Variants in TRMT10A observed in about 807,000 individuals in gnomAD.
TRMT10A encodes tRNA methyltransferase 10A.
In TRMT10A, 37 loss-of-function variants were observed where a neutral mutation model predicts 40.4. The observed-to-expected ratio is 0.92, with a 90% CI of 0.71 to 1.21. The LOEUF is 1.21. Ranked by LOEUF, TRMT10A falls within the 50% of genes most tolerant of loss-of-function variation. TRMT10A has a pLI of 0.00. For synonymous variants in TRMT10A, 103 were observed against 134.1 expected (o/e 0.77, Z 1.60); for missense variants, 388 against 404.3 (o/e 0.96, Z 0.35).
chr4:99,559,115 C>T (rs1405928079), intron 2 of TRMT10A, 39 bp downstream of exon 2: 4 of 1,576,544 alleles, frequency 2.5e-6, no homozygotes, highest in Non-Finnish European at 3.5e-6. Flanking sequence ...TTGCATATCT[C>T]TAAATAGGAA....
At chr4:99,559,685 A>G (rs12498565) in intron 1 of TRMT10A, among the ~76,000 whole-genome samples, 12,189 of 151,652 alleles carry the variant, frequency 0.08, 336 homozygotes, top group African/African-American at 0.18. Flanking sequence ...ATTTCTGTAA[A>G]TAAATCAGAA....
chr4:99,548,927 T>C lies in TRMT10A; in HGVS notation c.*161A>G. The C allele has an allele frequency of 1.5e-6, 1 of 674,322 alleles. No individual in the cohort carries two copies. Among genetic ancestry groups the C allele is most frequent in the Non-Finnish European group, 2.2e-6 (1 of 449,326 alleles). The allele number at this position is 674,322 out of a possible 1,614,324, so 41.8% of individuals were successfully genotyped here. A position where few individuals can be genotyped will look rare whatever the true frequency, so the allele number is the denominator to read the frequency against. The stretch of plus-strand genomic sequence containing the variant: ...ATCAAAAAATATTTCCTTACAAAGT[T>C]TAAAGGGCTTTTTTTTTTATTATTA... On this transcript the variant is annotated 3_prime_UTR_variant, in exon 8 of 8. Transcript: ENST00000394876.
chr4:99,553,539 T>TA (rs1724042193), intron 6 of TRMT10A, among the ~76,000 whole-genome samples: 1 of 152,196 alleles, frequency 6.6e-6, no homozygotes, highest in Non-Finnish European at 1.5e-5. Flanking sequence ...ATTTTAGACT[T>TA]AATTTCTCTG....
chr4:99,554,267 T>A (rs1051645320), intron 5 of TRMT10A, among the ~76,000 whole-genome samples: 4 of 152,200 alleles, frequency 2.6e-5, no homozygotes, highest in African/African-American at 9.6e-5. Flanking sequence ...AAATCCTTAA[T>A]TTAAAAACTC....
Position 99,550,982 on chromosome 4 carries a change from T to C in TRMT10A, c.654A>G (p.Thr218=), listed in dbSNP as rs1377788593. Residue 218 remains threonine, a synonymous_variant, in exon 7 of 8, where the codon ACA becomes ACG. Transcript: ENST00000394876. ...TTCCATAATCTGACGCTTGTTTATATGTGAGTCCCTAAAACAAAGACACTA... is the reference window on the plus strand; with the variant it reads ...TTCCATAATCTGACGCTTGTTTATACGTGAGTCCCTAAAACAAAGACACTA... ...LVDHNHHKGL[T]YKQASDYGIN... 3.1e-6 allele frequency: 5 copies of C among 1,609,872 alleles called. No homozygotes were observed. In the African/African-American group the frequency reaches 4.0e-5, roughly 13 times the overall value.
intron 1 of TRMT10A, among the ~76,000 whole-genome samples, chr4:99,561,630 G>GTCTACACTATACAATAAGTATAATGTATA (rs1724401847): frequency 6.6e-6 from 1 of 152,054 alleles, no homozygotes; most frequent in Middle Eastern, 3.2e-3. Flanking sequence ...AACTCGCACT[G>GTCTACACTATACAATAAGTATAATGTATA]TCTACACTAT....
At chr4:99,549,557 C>T (rs1449747112) in intron 7 of TRMT10A, among the ~76,000 whole-genome samples, 1 of 152,130 alleles carries the variant, frequency 6.6e-6, no homozygotes, top group Non-Finnish European at 1.5e-5. Flanking sequence ...CTAGCTTTTT[C>T]TCAGTTCAGT....
chr4:99,560,248 T>TATAAGA (rs1359165601), intron 1 of TRMT10A, among the ~76,000 whole-genome samples: 1 of 151,988 alleles, frequency 6.6e-6, no homozygotes, highest in Non-Finnish European at 1.5e-5. Context: ...GAATAAGAAG[T>TATAAGA]ATAAGAACAA....
At position 99,547,941 on chromosome 4, in the gene TRMT10A, T is replaced by C. The variant is rs138341359; in HGVS notation, c.*1147A>G. 3 of 152,262 alleles carry C rather than the reference T, an allele frequency of 2.0e-5. No homozygotes were observed. Among genetic ancestry groups the C allele is most frequent in the African/African-American group, 7.2e-5 (3 of 41,578 alleles). 9.4% of individuals were successfully genotyped at this position (152,262 alleles called of 1,614,324 possible). Reference sequence around the variant, plus strand: ...TTTACCTTAAACATTTAACTGCATGTACAATTACTGATAGGAAACTAAAAC... The same window carrying C: ...TTTACCTTAAACATTTAACTGCATGCACAATTACTGATAGGAAACTAAAAC... On this transcript the variant is annotated 3_prime_UTR_variant, in exon 8 of 8. Transcript: ENST00000394876.
rs527612194 is a variant in TRMT10A at position 99,551,926 on chromosome 4, A to T, written c.646-936T>A. ...AAAAAGTTGAAAAAAAAAGAGGAAA[A>T]TTTTTTTTTTAATTTTAAAAAGTTA... On this transcript the variant is annotated intron_variant, in intron 6 of 7. Transcript: ENST00000394876. 6.2e-4 allele frequency among the ~76,000 whole-genome samples: 94 copies of T among 151,010 alleles called. No homozygotes were observed. The East Asian group carries it at 8.0e-3, about 13-fold the overall frequency.
intron 7 of TRMT10A, among the ~76,000 whole-genome samples, chr4:99,550,450 A>C (rs1723915219): frequency 6.6e-6 from 1 of 152,202 alleles, no homozygotes; most frequent in Non-Finnish European, 1.5e-5. Flanking sequence ...TCGGTCTCTC[A>C]AAGTGCTAGG....
Position 99,558,174 on chromosome 4 carries a change from C to T in TRMT10A, c.223G>A (p.Glu75Lys). ...RKEKRKRKKL[E>K]RQCQMEPNSD... ...TTTGGTTCCATTTGACATTGTCGCTCTAATTTTTTCCTCTTGCGTTTTTCT... is the reference window on the plus strand; with the variant it reads ...TTTGGTTCCATTTGACATTGTCGCTTTAATTTTTTCCTCTTGCGTTTTTCT... The change falls in exon 3 of 8, where the codon GAG becomes AAG. Residue 75 changes from glutamate to lysine, a missense_variant. Glu to Lys is a moderately conservative substitution (Grantham distance 56, BLOSUM62 1). Coordinates refer to ENST00000394876, the MANE Select transcript of TRMT10A (RefSeq NM_001134665.3). The T allele has an allele frequency of 6.3e-7, 1 of 1,598,434 alleles. No individual in the cohort carries two copies. Among genetic ancestry groups the T allele is most frequent in the Non-Finnish European group, 8.5e-7 (1 of 1,176,020 alleles).
Position 99,564,019 on chromosome 4 carries a change from C to A in TRMT10A, c.-130G>T. The stretch of plus-strand genomic sequence containing the variant: ...CCACAGAAACTTCAATTCCCAGAGG[C>A]AGGGGCGGTAGTTACGCAGTGGAGG... On this transcript the variant is annotated 5_prime_UTR_variant, in exon 1 of 8. Coordinates refer to ENST00000394876, the MANE Select transcript of TRMT10A (RefSeq NM_001134665.3). The A allele has an allele frequency of 1.3e-6, 2 of 1,497,020 alleles. No homozygotes were observed. Among genetic ancestry groups the A allele is most frequent in the Non-Finnish European group, 1.8e-6 (2 of 1,112,678 alleles). The allele number at this position is 1,497,020 out of a possible 1,614,324, so 92.7% of individuals were successfully genotyped here. A position where few individuals can be genotyped will look rare whatever the true frequency, so the allele number is the denominator to read the frequency against.
At chr4:99,563,875 T>C (rs780590408) in intron 1 of TRMT10A, 38 bp downstream of exon 1, 9 of 698,980 alleles carry the variant, frequency 1.3e-5, no homozygotes, top group Middle Eastern at 2.3e-4. Context: ...GAGAATACCA[T>C]AGTGCGGGGG....
intron 1 of TRMT10A, among the ~76,000 whole-genome samples, chr4:99,560,285 G>C (rs932226841): frequency 3.3e-5 from 5 of 152,020 alleles, no homozygotes; most frequent in African/African-American, 7.2e-5. Flanking sequence ...ATAAAAGCAG[G>C]CTTTACTAAA....
intron 3 of TRMT10A, 100 bp from the exon 4 acceptor site, chr4:99,557,516 CAT>C (rs1724211277): frequency 1.1e-6 from 1 of 937,192 alleles, no homozygotes; most frequent in African/African-American, 1.7e-5. Context: ...TGACTATATA[CAT>C]ACAATTTTTC....
At chr4:99,551,472 C>G (rs1005788414) in intron 6 of TRMT10A, among the ~76,000 whole-genome samples, 6 of 152,116 alleles carry the variant, frequency 3.9e-5, no homozygotes, top group African/African-American at 1.4e-4. Flanking sequence ...GACTTTGGAG[C>G]TGTTGGAACA....
chr4:99,563,910 T>G lies in TRMT10A; in HGVS notation c.-24+3A>C, dbSNP rs919331542. The G allele has an allele frequency of 1.8e-5, 14 of 762,616 alleles. No homozygotes were observed. Among genetic ancestry groups the G allele is most frequent in the Non-Finnish European group, 2.0e-5 (9 of 441,920 alleles). 47.2% of individuals were successfully genotyped at this position (762,616 alleles called of 1,614,324 possible). A position where few individuals can be genotyped will look rare whatever the true frequency, so the allele number is the denominator to read the frequency against. ...GAGCGCCAACCAGTGCCAGGACACT[T>G]ACCGAGCTGAAGAGTTGACAGGGAA... On this transcript the variant is annotated splice_donor_region_variant and intron_variant, in intron 1 of 7. Coordinates refer to ENST00000394876, the MANE Select transcript of TRMT10A (RefSeq NM_001134665.3).
chr4:99,559,614 T>C (rs1468585224), intron 1 of TRMT10A, among the ~76,000 whole-genome samples: 1 of 152,202 alleles, frequency 6.6e-6, no homozygotes, highest in Non-Finnish European at 1.5e-5. Flanking sequence ...GCAACACATA[T>C]ATATGTTTTA....
Sources: gnomAD v4.1 joint callset for allele counts (sites outside exome capture counted in the v4.1 genomes callset) on GRCh38, gnomAD v4.1.1 for gene constraint, MANE v1.5 for transcripts, NCBI Gene and HGNC (gene_info 2026-07-23, HGNC 2026-07-21) for gene names.